Variants in TMEM117 observed in about 807,000 individuals in gnomAD.
TMEM117 encodes the protein transmembrane protein 117.
TMEM117 carries 27 observed loss-of-function variants against 52.4 expected under a neutral mutation model. The ratio of observed to expected loss-of-function variants is 0.51; its 90% CI spans 0.38 to 0.71. The LOEUF (loss-of-function observed/expected upper bound fraction) is 0.71, where lower values mean the gene tolerates loss of function less well. Ranked by LOEUF, TMEM117 falls within the 30% of genes least tolerant of loss-of-function variation. The pLI is 0.00. For missense variants in TMEM117, 556 were observed against 630.5 expected (o/e 0.88, Z 1.26); for synonymous variants, 215 against 206.3 (o/e 1.04, Z -0.36).
At chr12:43,911,810 C>G (rs942188007) in intron 2 of TMEM117, among the ~76,000 whole-genome samples, 1 of 93,370 alleles carries the variant, frequency 1.1e-5, no homozygotes, top group African/African-American at 2.8e-5. Context: ...CCATTTCACA[C>G]CAGTTAGAAT....
At chr12:43,801,114 C>T in the TMEM117 span, among the ~76,000 whole-genome samples, 2,084 of 152,022 alleles carry the variant, frequency 0.014, 38 homozygotes, top group African/African-American at 0.048. Flanking sequence ...CTCATAAGTT[C>T]AAGAATAAAA....
chr12:43,804,249 C>T, the TMEM117 span: 2 of 497,856 alleles, frequency 4.0e-6, no homozygotes, highest in African/African-American at 3.9e-5. Context: ...AACTGAGACA[C>T]AAAAAGTAAA....
At chr12:43,848,039 A>G (rs1003099840) in intron 2 of TMEM117, among the ~76,000 whole-genome samples, 1 of 152,160 alleles carries the variant, frequency 6.6e-6, no homozygotes, top group African/African-American at 2.4e-5. Flanking sequence ...AACAGAGAGT[A>G]GGTACAAAGA....
intron 3 of TMEM117, among the ~76,000 whole-genome samples, chr12:44,057,747 A>G (rs1013378989): frequency 1.3e-5 from 2 of 152,128 alleles, no homozygotes; most frequent in Admixed American, 1.3e-4. Flanking sequence ...GTTCTGCCAC[A>G]TTGATAAGTT....
At chr12:44,105,930 G>T (rs1038667516) in intron 3 of TMEM117, among the ~76,000 whole-genome samples, 2 of 152,018 alleles carry the variant, frequency 1.3e-5, no homozygotes, top group African/African-American at 4.8e-5. Context: ...TAGAGTTCCA[G>T]GAAGTAAAAC....
In TMEM117 at chr12:44,191,708, C is replaced by T. The variant is rs556517928; in HGVS notation, c.511-19582C>T. On this transcript the variant is annotated intron_variant, in intron 4 of 7. Transcript: ENST00000266534. ...TCCAGGTCTCACAACAATCATGTCA[C>T]GAATGCAGGGCTCACTGTTCCAAGG... Among the ~76,000 whole-genome samples the T allele has an allele frequency of 9.9e-5, 15 of 152,204 alleles. No individual in the cohort carries two copies. In the South Asian group the frequency reaches 1.0e-3, roughly 11 times the overall value.
chr12:43,898,645 T>A (rs548829833), intron 2 of TMEM117, among the ~76,000 whole-genome samples: 1 of 152,150 alleles, frequency 6.6e-6, no homozygotes, highest in East Asian at 1.9e-4. Context: ...TAGTGTCCCC[T>A]GCACAGTTTT....
chr12:44,041,323 A>G (rs951389237), intron 3 of TMEM117, among the ~76,000 whole-genome samples: 11 of 143,576 alleles, frequency 7.7e-5, no homozygotes, highest in Non-Finnish European at 1.0e-4. Context: ...CTTGAGCTAC[A>G]TTAATTATTT....
intron 5 of TMEM117, among the ~76,000 whole-genome samples, chr12:44,216,365 C>T (rs546614644): frequency 1.3e-5 from 2 of 152,202 alleles, no homozygotes; most frequent in East Asian, 3.9e-4. Context: ...GAGCCCTTGT[C>T]ATTTGGATTC....
At chr12:43,878,135 ACT>A (rs1943835887) in intron 2 of TMEM117, among the ~76,000 whole-genome samples, 1 of 149,732 alleles carries the variant, frequency 6.7e-6, no homozygotes, top group Admixed American at 6.6e-5. Flanking sequence ...TTAACAAACC[ACT>A]CTGACTTTTC....
intron 5 of TMEM117, among the ~76,000 whole-genome samples, chr12:44,281,071 A>G (rs7980044): frequency 0.016 from 2,366 of 152,290 alleles, 70 homozygotes; most frequent in African/African-American, 0.054. Context: ...CCCAAGAGAA[A>G]TTAAGTATAT....
At chr12:44,073,016 GA>G (rs1275161558) in intron 3 of TMEM117, among the ~76,000 whole-genome samples, 11 of 151,830 alleles carry the variant, frequency 7.2e-5, no homozygotes, top group Admixed American at 2.6e-4. Flanking sequence ...TTTGAACCCA[GA>G]AGGCAGAGGT....
the TMEM117 span, chr12:43,806,234 C>A: frequency 1.3e-6 from 2 of 1,538,696 alleles, no homozygotes; most frequent in Non-Finnish European, 8.7e-7. Flanking sequence ...GGATGCCGGT[C>A]TGGTGGGACA....
chr12:44,026,294 G>C (rs1366015613), intron 3 of TMEM117, among the ~76,000 whole-genome samples: 1 of 152,032 alleles, frequency 6.6e-6, no homozygotes, highest in East Asian at 1.9e-4. Context: ...TGCTGCTCTG[G>C]TACCCTGCTG....
At chr12:44,101,705 C>A (rs569763384) in intron 3 of TMEM117, among the ~76,000 whole-genome samples, 13 of 152,052 alleles carry the variant, frequency 8.5e-5, no homozygotes, top group Admixed American at 8.5e-4. Context: ...CCTCAGAGAC[C>A]GGCTGTCATT....
intron 3 of TMEM117, among the ~76,000 whole-genome samples, chr12:44,051,365 C>T (rs1221684329): frequency 1.3e-5 from 2 of 152,088 alleles, no homozygotes; most frequent in Non-Finnish European, 2.9e-5. Context: ...TACTGAACAA[C>T]AGTAGCAAAA....
intron 2 of TMEM117, among the ~76,000 whole-genome samples, chr12:43,849,379 T>C (rs1943266633): frequency 6.6e-6 from 1 of 152,208 alleles, no homozygotes; most frequent in Non-Finnish European, 1.5e-5. Context: ...ATATTGAAGA[T>C]TGATTGAGAA....
intron 3 of TMEM117, among the ~76,000 whole-genome samples, chr12:44,114,626 T>G (rs532104097): frequency 3.9e-5 from 6 of 152,310 alleles, no homozygotes; most frequent in African/African-American, 1.4e-4. Context: ...GTGCTTTGTT[T>G]TCTCCATCTA....
intron 6 of TMEM117, among the ~76,000 whole-genome samples, chr12:44,360,291 A>C (rs1951703117): frequency 6.6e-6 from 1 of 152,118 alleles, no homozygotes; most frequent in Non-Finnish European, 1.5e-5. Flanking sequence ...TCAAGAGTCA[A>C]AGATTAGGTC....
Sources: gnomAD v4.1 joint callset for allele counts (sites outside exome capture counted in the v4.1 genomes callset) on GRCh38, gnomAD v4.1.1 for gene constraint, MANE v1.5 for transcripts, NCBI Gene and HGNC (gene_info 2026-07-23, HGNC 2026-07-21) for gene names.